The following AGBL1 variants were observed in gnomAD, a reference collection of about 807,000 sequenced individuals.
The protein encoded by AGBL1 is AGBL carboxypeptidase 1.
In AGBL1, 130 loss-of-function variants were observed where a neutral mutation model predicts 118.9. The observed-to-expected ratio is 1.09, with a 90% CI of 0.95 to 1.26. The LOEUF (loss-of-function observed/expected upper bound fraction) is 1.26. AGBL1 is among the 50% of genes most tolerant of loss of function. The pLI, the probability that AGBL1 is intolerant of heterozygous loss-of-function variation, is 0.00. For missense variants in AGBL1, 1,584 were observed against 1,298.1 expected (o/e 1.22, Z -3.38); for synonymous variants, 555 against 478.9 (o/e 1.16, Z -2.08).
At chr15:86,143,548 C>G (rs1237206108) in intron 2 of AGBL1, among the ~76,000 whole-genome samples, 151 bp from the exon 3 acceptor site, 1 of 152,230 alleles carries the variant, frequency 6.6e-6, no homozygotes, top group Non-Finnish European at 1.5e-5. Context: ...GATAGTACAA[C>G]TTTAACACAG....
chr15:86,300,318 T>G (rs892692381), intron 17 of AGBL1, among the ~76,000 whole-genome samples: 1 of 152,186 alleles, frequency 6.6e-6, no homozygotes, highest in Non-Finnish European at 1.5e-5. Flanking sequence ...TTTGGAGAGC[T>G]ATATCTCTGG....
At chr15:86,788,422 A>G (rs1320571729) in intron 22 of AGBL1, among the ~76,000 whole-genome samples, 2 of 152,216 alleles carry the variant, frequency 1.3e-5, no homozygotes, top group Non-Finnish European at 2.9e-5. Flanking sequence ...ACTCATCTCT[A>G]ATGAAGTCAC....
chr15:86,215,245 G>A (rs1293552292), intron 5 of AGBL1, among the ~76,000 whole-genome samples: 1 of 151,392 alleles, frequency 6.6e-6, no homozygotes, highest in African/African-American at 2.4e-5. Flanking sequence ...GTGTGTGTGT[G>A]TGTGTGTGTG....
At chr15:86,374,669 C>A (rs1284028030) in intron 17 of AGBL1, among the ~76,000 whole-genome samples, 1 of 152,216 alleles carries the variant, frequency 6.6e-6, no homozygotes, top group Non-Finnish European at 1.5e-5. Flanking sequence ...AAAGGAGAAC[C>A]TCAGAGTCCT....
chr15:86,907,032 T>C (rs2080290098), intron 22 of AGBL1, 55 bp from the exon 23 acceptor site: 2 of 152,338 alleles, frequency 1.3e-5, no homozygotes, highest in Admixed American at 1.3e-4. Flanking sequence ...ACATTTTCCC[T>C]GTCTACCTTC....
intron 22 of AGBL1, among the ~76,000 whole-genome samples, chr15:86,778,683 C>A (rs190893379): frequency 6.6e-6 from 1 of 152,240 alleles, no homozygotes; most frequent in Admixed American, 6.5e-5. Context: ...GTTCTTTTTT[C>A]AAGGTGCCCA....
At chr15:87,015,584 T>C (rs1455310440) in intron 24 of AGBL1, among the ~76,000 whole-genome samples, 5 of 152,194 alleles carry the variant, frequency 3.3e-5, no homozygotes, top group Non-Finnish European at 7.3e-5. Flanking sequence ...ATATACAACA[T>C]GATTCTTGAC....
intron 21 of AGBL1, among the ~76,000 whole-genome samples, chr15:86,647,887 G>T (rs2085310872): frequency 6.6e-6 from 1 of 152,156 alleles, no homozygotes; most frequent in African/African-American, 2.4e-5. Flanking sequence ...GAATATGTGA[G>T]GACGTGAGCC....
intron 18 of AGBL1, among the ~76,000 whole-genome samples, chr15:86,488,474 C>A (rs1161843774): frequency 6.6e-6 from 1 of 151,960 alleles, no homozygotes; most frequent in Non-Finnish European, 1.5e-5. Context: ...TTGAGGGTGA[C>A]GTGATGGTAA....
intron 1 of AGBL1, among the ~76,000 whole-genome samples, chr15:86,113,942 T>C (rs1897596583): frequency 6.6e-6 from 1 of 152,226 alleles, no homozygotes; most frequent in Non-Finnish European, 1.5e-5. Context: ...GTGTGTTATA[T>C]TGGTTCTTTG....
At chr15:86,338,628 T>C (rs897807222) in intron 17 of AGBL1, among the ~76,000 whole-genome samples, 3 of 152,030 alleles carry the variant, frequency 2.0e-5, no homozygotes, top group African/African-American at 7.3e-5. Context: ...TTGGACCCAT[T>C]TTGAAGGCAG....
intron 21 of AGBL1, among the ~76,000 whole-genome samples, chr15:86,632,236 C>T (rs1270249234): frequency 4.8e-5 from 7 of 146,322 alleles, no homozygotes; most frequent in Non-Finnish European, 1.0e-4. Flanking sequence ...CCACTGCACT[C>T]CAGCCAGGGT....
chr15:86,746,596 T>C (rs2077759987), intron 22 of AGBL1, among the ~76,000 whole-genome samples: 2 of 152,080 alleles, frequency 1.3e-5, no homozygotes, highest in African/African-American at 4.8e-5. Flanking sequence ...TGATTTACAT[T>C]ATATCCCCAG....
chr15:86,566,020 C>T, intron 21 of AGBL1, among the ~76,000 whole-genome samples: 1 of 152,226 alleles, frequency 6.6e-6, no homozygotes, highest in Admixed American at 6.5e-5. Context: ...TTTCCAGGTG[C>T]CATCTGTCAC....
At chr15:86,167,418 A>C (rs1814138) in intron 5 of AGBL1, among the ~76,000 whole-genome samples, 11,150 of 151,740 alleles carry the variant, frequency 0.073, 1,327 homozygotes, top group African/African-American at 0.25. Context: ...GCTAATTTTT[A>C]TATTTTTAGT....
At chr15:86,396,217 GTA>G (rs1351085742) in intron 17 of AGBL1, among the ~76,000 whole-genome samples, 8 of 129,608 alleles carry the variant, frequency 6.2e-5, no homozygotes, top group African/African-American at 1.3e-4. Context: ...ACGTGTGTGT[GTA>G]TATATATGTG....
intron 5 of AGBL1, among the ~76,000 whole-genome samples, chr15:86,184,433 C>CT (rs71144032): frequency 0.016 from 2,172 of 136,138 alleles, 18 homozygotes; most frequent in Middle Eastern, 0.028. Flanking sequence ...TTTTTTCTTT[C>CT]TTTTTTTTTT....
chr15:86,269,766 G>A (rs938791055), intron 13 of AGBL1, among the ~76,000 whole-genome samples, 153 bp from the exon 14 acceptor site: 2 of 152,188 alleles, frequency 1.3e-5, no homozygotes, highest in African/African-American at 4.8e-5. Flanking sequence ...ACCCAATATT[G>A]TGGTATCAGG....
intron 22 of AGBL1, among the ~76,000 whole-genome samples, chr15:86,723,658 TAAAAA>T (rs536471527): frequency 6.7e-6 from 1 of 148,776 alleles, no homozygotes; most frequent in East Asian, 1.9e-4. Context: ...AGTATAATAA[TAAAAA>T]AAAGAAAACA....
Sources: gnomAD v4.1 joint callset for allele counts (sites outside exome capture counted in the v4.1 genomes callset) on GRCh38, gnomAD v4.1.1 for gene constraint, MANE v1.5 for transcripts, NCBI Gene and HGNC (gene_info 2026-07-23, HGNC 2026-07-21) for gene names.